MEGF6: variants seen among roughly 807,000 people sequenced by gnomAD.
The protein encoded by MEGF6 is multiple EGF like domains 6, also known as multiple epidermal growth factor-like domains protein 6.
Under a neutral mutation model 207.1 loss-of-function variants are expected in MEGF6, and 184 were observed. The observed-to-expected ratio is 0.89, with a 90% CI of 0.79 to 1.00. The LOEUF is 1.00. Among genes scored for constraint, MEGF6 ranks in the 50% least tolerant of loss-of-function variants. The probability of loss-of-function intolerance (pLI) is 0.00; values close to 1 mark genes in which losing one functional copy is unlikely to be tolerated. For missense variants in MEGF6, 2,282 were observed against 2,202.9 expected, an observed-to-expected ratio of 1.04 and a Z score of -0.72; for synonymous variants, 1,038 against 910.0, an observed-to-expected ratio of 1.14 and a Z score of -2.53.
At chr1:3,538,538 C>T (rs987008740) in intron 4 of MEGF6, among the ~76,000 whole-genome samples, 3 of 152,194 alleles carry the variant, frequency 2.0e-5, no homozygotes, top group African/African-American at 7.2e-5. Context: ...AGGGGGGAGC[C>T]CCCTTCTCTT....
At chr1:3,517,228 C>T (rs2101107298) in intron 5 of MEGF6, among the ~76,000 whole-genome samples, 1 of 152,338 alleles carries the variant, frequency 6.6e-6, no homozygotes, top group Middle Eastern at 3.4e-3. Flanking sequence ...GAAGCTGGGC[C>T]GTCAGGATCC....
chr1:3,498,077 A>G (rs547385817), intron 26 of MEGF6, among the ~76,000 whole-genome samples: 1 of 152,176 alleles, frequency 6.6e-6, no homozygotes, highest in African/African-American at 2.4e-5. Flanking sequence ...TGCATGCAGG[A>G]AACAGGAACG....
chr1:3,527,231 G>A (rs1018832638), intron 4 of MEGF6, among the ~76,000 whole-genome samples: 13 of 152,210 alleles, frequency 8.5e-5, no homozygotes, highest in African/African-American at 3.1e-4. Context: ...AGCGGCCAGC[G>A]CCAGCACACA....
At chr1:3,509,718 G>C (rs1641261874) in intron 11 of MEGF6, 152 bp downstream of exon 11, 1 of 1,117,524 alleles carries the variant, frequency 8.9e-7, no homozygotes, top group South Asian at 1.8e-5. Flanking sequence ...AAGGGCCCAA[G>C]AGCCTCTGAG....
At chr1:3,548,030 GC>G (rs1642770405) in intron 4 of MEGF6, among the ~76,000 whole-genome samples, 1 of 152,070 alleles carries the variant, frequency 6.6e-6, no homozygotes, top group Non-Finnish European at 1.5e-5. Flanking sequence ...GGAATGTTCA[GC>G]CCCCTGTGCC....
intron 3 of MEGF6, among the ~76,000 whole-genome samples, chr1:3,585,273 T>TGGACGCATGTCCTGTGTGTGGGTGTGC (rs1643876918): frequency 2.2e-5 from 3 of 138,016 alleles, no homozygotes; most frequent in African/African-American, 8.3e-5. Flanking sequence ...TGTGGGTGTG[T>TGGACGCATGTCCTGTGTGTGGGTGTGC]GGACGCATGT....
chr1:3,495,920 G>A lies in MEGF6; in HGVS notation c.3841C>T (p.Pro1281Ser), dbSNP rs200999943. Residue 1281 changes from proline (P) to serine (S), a missense_variant, in exon 30 of 37, where the codon CCG becomes TCG. Pro to Ser is a moderately conservative substitution (Grantham distance 74). Coordinates refer to ENST00000356575, the MANE Select transcript of MEGF6 (RefSeq NM_001409.4). The stretch of plus-strand genomic sequence containing the variant: ...TCACAGCGGACGCCGGCTCTCCCCG[G>A]GGGGCAGAGGCAGGTGCCGGTCACA... ...DPVTGTCLCP[P>S]GRAGVRCERG... is the part of the protein sequence containing the mutation. The A allele has an allele frequency of 6.3e-7, 1 of 1,597,626 alleles. No homozygotes were observed. Among genetic ancestry groups the A allele is most frequent in the Non-Finnish European group, 8.5e-7 (1 of 1,178,986 alleles).
intron 1 of MEGF6, among the ~76,000 whole-genome samples, chr1:3,604,743 A>G (rs577285395): frequency 1.2e-4 from 19 of 152,188 alleles, no homozygotes; most frequent in African/African-American, 4.3e-4. Flanking sequence ...GGTGATGACT[A>G]AGGGCCAGGT....
rs117280557 is a variant in MEGF6, at chr1:3,590,975, G to A, written c.376+4363C>T. On this transcript the variant is annotated intron_variant, in intron 3 of 36. Transcript: ENST00000356575. ...CTAGGAAGCAGGGAGGACCCTGGCT[G>A]GGCGCGGCCCCAGTGCCCACAGGCA... is the stretch of plus-strand genomic sequence containing the variant. 9.2e-3 allele frequency among the ~76,000 whole-genome samples: 1,361 copies of A among 148,314 alleles called. 33 individuals carry two copies. The East Asian group carries it at 0.13, about 14-fold the overall frequency.
At chr1:3,493,698 G>C in intron 34 of MEGF6, 73 bp downstream of exon 34, 1 of 1,563,548 alleles carries the variant, frequency 6.4e-7, no homozygotes, top group South Asian at 1.2e-5. Flanking sequence ...CACAGGTAGG[G>C]CCCAACCAAT....
At position 3,603,362 on chromosome 1, in the gene MEGF6, A is replaced by C. The variant is rs574960197; in HGVS notation, c.132-762T>G. Among the ~76,000 whole-genome samples, 7 of 152,180 alleles carry C rather than the reference A, an allele frequency of 4.6e-5. 2 individuals are homozygous for C. Among genetic ancestry groups the C allele is most frequent in the African/African-American group, 1.7e-4 (7 of 41,534 alleles). The stretch of plus-strand genomic sequence containing the variant: ...GACAGCCACACGGGCCAGCACCCCC[A>C]GAGCAGGGGCTCGCCCCTGGCCTGC... On this transcript the variant is annotated intron_variant, in intron 1 of 36. Transcript: ENST00000356575.
intron 4 of MEGF6, among the ~76,000 whole-genome samples, chr1:3,543,360 T>C (rs1570100753): frequency 6.6e-6 from 1 of 152,312 alleles, no homozygotes; most frequent in East Asian, 1.9e-4. Context: ...GCCCGAACCC[T>C]GCGTTCGTGC....
At chr1:3,616,795 G>T in the MEGF6 span, among the ~76,000 whole-genome samples, 1 of 152,328 alleles carries the variant, frequency 6.6e-6, no homozygotes, top group African/African-American at 2.4e-5. Flanking sequence ...CAAGCGTGGC[G>T]GGGGAGAACG....
At chr1:3,570,087 C>T (rs934990054) in intron 4 of MEGF6, among the ~76,000 whole-genome samples, 1 of 152,324 alleles carries the variant, frequency 6.6e-6, no homozygotes, top group Non-Finnish European at 1.5e-5. Flanking sequence ...ATTCTGCAGG[C>T]GGTCTCAGTC....
In MEGF6 at chr1:3,593,143, C is replaced by T. The variant is rs372008168; in HGVS notation, c.376+2195G>A. On this transcript the variant is annotated intron_variant, in intron 3 of 36. Transcript: ENST00000356575. Reference sequence around the variant, plus strand: ...GAGCTGGCAGGACGGGCCCAAAGCTCACCTCGAGCCAGGCTGGTGATGGAG... The same window carrying T: ...GAGCTGGCAGGACGGGCCCAAAGCTTACCTCGAGCCAGGCTGGTGATGGAG... Among the ~76,000 whole-genome samples the T allele has an allele frequency of 3.1e-4, 47 of 152,324 alleles. 1 individual carries two copies. Among genetic ancestry groups the T allele is most frequent in the African/African-American group, 1.1e-3 (45 of 41,566 alleles).
intron 24 of MEGF6, 145 bp downstream of exon 24, chr1:3,498,993 G>C: frequency 7.1e-7 from 1 of 1,405,580 alleles, no homozygotes; most frequent in Non-Finnish European, 9.6e-7. Context: ...TGCCTGGAGA[G>C]GGGCACAGGT....
At chr1:3,572,437 C>A (rs565239081) in intron 4 of MEGF6, among the ~76,000 whole-genome samples, 6 of 121,714 alleles carry the variant, frequency 4.9e-5, no homozygotes, top group African/African-American at 2.0e-4. Context: ...GTGCTGGGTC[C>A]TCCTGGGTGT....
chr1:3,598,508 CT>C (rs1336743889), intron 2 of MEGF6, among the ~76,000 whole-genome samples: 5 of 151,248 alleles, frequency 3.3e-5, no homozygotes, highest in Non-Finnish European at 7.4e-5. Context: ...TATTTATCCC[CT>C]CTCCCAGGCT....
intron 4 of MEGF6, among the ~76,000 whole-genome samples, chr1:3,569,703 G>C (rs1423558530): frequency 1.3e-5 from 2 of 152,252 alleles, no homozygotes; most frequent in African/African-American, 4.8e-5. Context: ...ACCGGGCTCA[G>C]TGGCTGCCTG....
Sources: gnomAD v4.1 joint callset for allele counts (sites outside exome capture counted in the v4.1 genomes callset) on GRCh38, gnomAD v4.1.1 for gene constraint, MANE v1.5 for transcripts, NCBI Gene and HGNC (gene_info 2026-07-23, HGNC 2026-07-21) for gene names.